Variants in EYS observed in about 807,000 individuals in gnomAD.
The protein encoded by EYS is EGF-like photoreceptor maintenance factor.
A neutral mutation model predicts 282.1 loss-of-function variants in EYS; 250 were observed. The observed-to-expected ratio is 0.89, with a 90% CI of 0.80 to 0.98. The LOEUF (loss-of-function observed/expected upper bound fraction) is 0.98, where lower values mean the gene tolerates loss of function less well. EYS is among the 50% of genes least tolerant of loss of function. The pLI is 0.00. For missense variants in EYS, 4,016 were observed against 3,709.0 expected (o/e 1.08, Z -2.15); for synonymous variants, 1,355 against 1,282.9 (o/e 1.06, Z -1.20).
At chr6:64,528,069 T>A (rs1234079834) in intron 26 of EYS, among the ~76,000 whole-genome samples, 1 of 151,806 alleles carries the variant, frequency 6.6e-6, no homozygotes, top group Non-Finnish European at 1.5e-5. Context: ...GAAAATTAGG[T>A]CATATGGTGA....
chr6:65,251,593 C>A (rs1767325426), intron 12 of EYS, among the ~76,000 whole-genome samples: 1 of 151,988 alleles, frequency 6.6e-6, no homozygotes, highest in African/African-American at 2.4e-5. Flanking sequence ...TCTACTATTT[C>A]TCACTGAATA....
chr6:65,656,683 T>A (rs1455158625), intron 1 of EYS, among the ~76,000 whole-genome samples: 5 of 151,724 alleles, frequency 3.3e-5, no homozygotes, highest in African/African-American at 1.2e-4. Context: ...CAGAAAGGAG[T>A]CATTCCTATA....
intron 33 of EYS, among the ~76,000 whole-genome samples, chr6:64,052,536 T>G (rs1009219613): frequency 1.3e-5 from 2 of 152,190 alleles, no homozygotes; most frequent in African/African-American, 2.4e-5. Flanking sequence ...TGTAATTTTC[T>G]AAGATGAAAA....
chr6:64,545,668 CAA>C (rs1562052577), intron 26 of EYS, among the ~76,000 whole-genome samples: 1 of 152,184 alleles, frequency 6.6e-6, no homozygotes, highest in East Asian at 1.9e-4. Flanking sequence ...GCAACTTCAG[CAA>C]AGTCTCAGGA....
chr6:64,351,462 A>C (rs1487900663), intron 29 of EYS, among the ~76,000 whole-genome samples: 1 of 151,352 alleles, frequency 6.6e-6, no homozygotes, highest in Non-Finnish European at 1.5e-5. Flanking sequence ...TCATCTATCT[A>C]CTTGTATCAT....
chr6:65,352,441 A>C (rs1764319911), intron 9 of EYS, among the ~76,000 whole-genome samples: 1 of 151,938 alleles, frequency 6.6e-6, no homozygotes, highest in Non-Finnish European at 1.5e-5. Flanking sequence ...TAAGTTAAAT[A>C]ATATTAGAAA....
chr6:65,496,193 G>T (rs887673945), intron 2 of EYS, among the ~76,000 whole-genome samples, 200 bp from the exon 3 acceptor site: 1 of 151,902 alleles, frequency 6.6e-6, no homozygotes, highest in Non-Finnish European at 1.5e-5. Flanking sequence ...ATGGTGGAAG[G>T]TGCCAGATAA....
intron 5 of EYS, among the ~76,000 whole-genome samples, chr6:65,462,213 T>G (rs1456891785): frequency 6.6e-6 from 1 of 152,096 alleles, no homozygotes; most frequent in Admixed American, 6.6e-5. Flanking sequence ...TCAACTTAAA[T>G]AATTCATGTA....
rs775215374 is a variant in EYS at position 64,025,503 on chromosome 6, A to G, written c.6726-26320T>C. Among the ~76,000 whole-genome samples the G allele has an allele frequency of 6.0e-4, 92 of 152,150 alleles. 2 individuals carry two copies. Among genetic ancestry groups the G allele is most frequent in the Non-Finnish European group, 2.8e-4 (19 of 68,022 alleles). On this transcript the variant is annotated intron_variant, in intron 33 of 42. Transcript: ENST00000503581. ...CTTCTCTGAGGTTAGTCCTCCTTCT[A>G]AAAATTGCTACCTGTCTCTGGTGCT...
At chr6:65,026,745 G>A (rs960542836) in intron 13 of EYS, among the ~76,000 whole-genome samples, 4 of 151,910 alleles carry the variant, frequency 2.6e-5, no homozygotes, top group Non-Finnish European at 5.9e-5. Context: ...GTGAAACCCT[G>A]TCTCTACTAA....
At chr6:65,506,774 A>C (rs1271835189) in intron 2 of EYS, among the ~76,000 whole-genome samples, 1 of 151,876 alleles carries the variant, frequency 6.6e-6, no homozygotes, top group Admixed American at 6.6e-5. Flanking sequence ...ACCCAGTCAC[A>C]ATATCCTTTT....
intron 29 of EYS, among the ~76,000 whole-genome samples, chr6:64,335,394 A>G (rs1230414690): frequency 6.6e-6 from 1 of 151,900 alleles, no homozygotes; most frequent in Admixed American, 6.6e-5. Flanking sequence ...TTACCTCCCT[A>G]GCGTGCCTGC....
At chr6:65,467,520 CAT>C (rs952761797) in intron 5 of EYS, among the ~76,000 whole-genome samples, 25 of 151,692 alleles carry the variant, frequency 1.6e-4, no homozygotes, top group African/African-American at 4.6e-4. Flanking sequence ...CACACACACA[CAT>C]ACACACACAC....
At chr6:65,010,167 C>T (rs531476547) in intron 13 of EYS, among the ~76,000 whole-genome samples, 10 of 152,144 alleles carry the variant, frequency 6.6e-5, no homozygotes, top group Non-Finnish European at 1.3e-4. Flanking sequence ...TACACAGGTC[C>T]GAGGGACAAG....
chr6:65,694,051 T>C lies in EYS; in HGVS notation c.-448+13084A>G, dbSNP rs897127992. ...AGATCAATAAAAAGACTGAAACTTT[T>C]GTTCTATAACTGAACATGATTGTTT... On this transcript the variant is annotated intron_variant, in intron 1 of 42. Coordinates refer to ENST00000503581, the MANE Select transcript of EYS (RefSeq NM_001142800.2). 2.7e-5 allele frequency among the ~76,000 whole-genome samples: 4 copies of C among 150,412 alleles called. 1 individual carries two copies. The South Asian group carries it at 8.5e-4, about 32-fold the overall frequency.
intron 12 of EYS, among the ~76,000 whole-genome samples, chr6:65,123,527 C>A (rs1401704433): frequency 6.6e-6 from 1 of 152,070 alleles, no homozygotes; most frequent in Non-Finnish European, 1.5e-5. Context: ...GCTTGACCTT[C>A]TAAGACAGTT....
intron 12 of EYS, among the ~76,000 whole-genome samples, chr6:65,150,364 A>G (rs1297773659): frequency 6.6e-6 from 1 of 151,934 alleles, no homozygotes; most frequent in African/African-American, 2.4e-5. Flanking sequence ...ATAAAAGCAC[A>G]TATTTCTGAT....
chr6:65,301,309 C>T (rs1423885809), intron 11 of EYS, among the ~76,000 whole-genome samples: 2 of 152,196 alleles, frequency 1.3e-5, no homozygotes, highest in African/African-American at 2.4e-5. Context: ...TCCTGGCTAA[C>T]ACGGTGAAAC....
chr6:64,086,524 T>C (rs1247481624), intron 31 of EYS, among the ~76,000 whole-genome samples: 1 of 152,154 alleles, frequency 6.6e-6, no homozygotes, highest in African/African-American at 2.4e-5. Flanking sequence ...TTGAACCAAC[T>C]TTCTTTTGTT....
Sources: gnomAD v4.1 joint callset for allele counts (sites outside exome capture counted in the v4.1 genomes callset) on GRCh38, gnomAD v4.1.1 for gene constraint, MANE v1.5 for transcripts, NCBI Gene and HGNC (gene_info 2026-07-23, HGNC 2026-07-21) for gene names.